Variants in AIFM1 observed in about 807,000 individuals in gnomAD.
The protein encoded by AIFM1 is apoptosis inducing factor mitochondria associated 1.
Under a neutral mutation model 51.7 loss-of-function variants are expected in AIFM1, and 3 were observed. The observed-to-expected ratio is 0.06, with a 90% CI of 0.03 to 0.15. The LOEUF (loss-of-function observed/expected upper bound fraction) is 0.15, where lower values mean the gene tolerates loss of function less well. Ranked by LOEUF, AIFM1 falls within the 10% of genes least tolerant of loss-of-function variation. AIFM1 has a pLI of 1.00. For missense variants in AIFM1, 330 were observed against 476.8 expected, an observed-to-expected ratio of 0.69 and a Z score of 2.87; for synonymous variants, 178 against 179.4, an observed-to-expected ratio of 0.99 and a Z score of 0.06.
At chrX:130,164,134 C>T (rs2031450249) in intron 1 of AIFM1, among the ~76,000 whole-genome samples, 1 of 103,532 alleles carries the variant, frequency 9.7e-6, no homozygotes, top group Non-Finnish European at 2.0e-5. Context: ...CGCCACTGCA[C>T]TCCAGCCTGG....
At chrX:130,148,877 C>T (rs1447019306) in intron 3 of AIFM1, among the ~76,000 whole-genome samples, 2 of 101,085 alleles carry the variant, frequency 2.0e-5, no homozygotes, top group Non-Finnish European at 4.0e-5. Context: ...ATCTCTTTTC[C>T]ATCTTTTCCA....
At chrX:130,139,333 A>G (rs1789088832) in intron 8 of AIFM1, among the ~76,000 whole-genome samples, 2 of 103,101 alleles carry the variant, frequency 1.9e-5, no homozygotes, top group Admixed American at 1.0e-4. Context: ...TTCAGTCTCG[A>G]AAAAAAAAAA....
intron 12 of AIFM1, 110 bp downstream of exon 12, chrX:130,135,935 C>T (rs1185592864): frequency 1.3e-5 from 13 of 1,039,932 alleles, no homozygotes; most frequent in Non-Finnish European, 1.8e-5. Flanking sequence ...CCTCCAAACA[C>T]TCTGACCCTA....
At position 130,136,698 on chromosome X, in the gene AIFM1, T is replaced by C. The variant is rs149001713; in HGVS notation, c.1109A>G (p.Gln370Arg). 8 of 1,208,637 alleles carry C rather than the reference T, an allele frequency of 6.6e-6. No individual in the cohort carries two copies. The highest frequency in any genetic ancestry group is 8.9e-6 in the Non-Finnish European group (8 of 894,930). Residue 370 changes from glutamine (Q) to arginine (R), a missense_variant, in exon 11 of 16, where the codon CAA becomes CGA. Transcript: ENST00000287295. The part of the protein sequence containing the change: ...GVKVMPNAIV[Q>R]SVGVSSGKLL... ...CTTGCCACTGCTGACTCCAACGGAT[T>C]GCACAATAGCATTGGGCATCACCTT...
At chrX:130,139,913 G>C in intron 7 of AIFM1, 42 bp from the exon 8 acceptor site, 2 of 1,103,166 alleles carry the variant, frequency 1.8e-6, no homozygotes, top group East Asian at 3.0e-5. Flanking sequence ...CAACAAGCAG[G>C]AGCCAGCCCA....
intron 1 of AIFM1, 143 bp downstream of exon 1, chrX:130,165,408 G>A (rs2031496600): frequency 5.5e-6 from 3 of 543,227 alleles, no homozygotes; most frequent in Non-Finnish European, 9.7e-6. Context: ...GCAAGACTCA[G>A]GGTTCGGAGT....
rs867053082 is a variant in AIFM1, at chrX:130,165,814, C to T, written c.-158G>A. 23 of 528,625 alleles carry T rather than the reference C, an allele frequency of 4.4e-5. 1 individual carries two copies. The Middle Eastern group carries it at 4.2e-3, about 98-fold the overall frequency. 43.6% of individuals were successfully genotyped at this position (528,625 alleles called of 1,213,427 possible). The stretch of plus-strand genomic sequence containing the variant: ...CCGGGTGGGCATTGGACAGAGAAGC[C>T]GGCCTGCTAGAGCCGGGGAAGGGGA... On this transcript the variant is annotated 5_prime_UTR_variant, in exon 1 of 16. Transcript: ENST00000287295.
intron 6 of AIFM1, 50 bp downstream of exon 6, chrX:130,145,429 T>A (rs1353299644): frequency 1.1e-6 from 1 of 949,873 alleles, no homozygotes; most frequent in Non-Finnish European, 1.5e-6. Flanking sequence ...CCATACTGGC[T>A]GGTGGGCAAG....
At position 130,139,847 on chromosome X, in the gene AIFM1, G is replaced by A. The variant is rs1460156998; in HGVS notation, c.806C>T (p.Ala269Val). The A allele has an allele frequency of 8.3e-7, 1 of 1,210,584 alleles. No homozygotes were observed. The part of the protein sequence containing the change: ...ATGGTPRSLS[A>V]IDRAGAEVKS... ...CACCTCTGCTCCAGCCCTATCAATG[G>A]CAGACAGACTTCTTGGAGTACCTCC... The change falls in exon 8 of 16, where the codon GCC (alanine) becomes GTC (valine). Residue 269 changes from alanine to valine, a missense_variant. Physicochemically the swap from Ala to Val is moderately conservative, Grantham distance 64. This residue lies in a region of AIFM1 where 152 missense variants were observed against 292.8 expected (regional missense o/e 0.52). Transcript: ENST00000287295.
intron 13 of AIFM1, 28 bp downstream of exon 13, chrX:130,133,285 T>C (rs920151754): frequency 1.7e-6 from 2 of 1,209,241 alleles, no homozygotes; most frequent in African/African-American, 1.7e-5. Flanking sequence ...TTGTAATCAG[T>C]TGGGTCTCCA....
chrX:130,144,800 A>G (rs2030696449), intron 6 of AIFM1, among the ~76,000 whole-genome samples: 1 of 112,543 alleles, frequency 8.9e-6, no homozygotes, highest in East Asian at 2.8e-4. Context: ...CATAGGGGAC[A>G]CTAAATGTCT....
chrX:130,155,428 G>T, intron 2 of AIFM1: 1 of 650,464 alleles, frequency 1.5e-6, no homozygotes, highest in Non-Finnish European at 2.4e-6. Flanking sequence ...TGCTGCTCCA[G>T]GATTGCAGAA....
rs182805215 is a variant in AIFM1, at chrX:130,138,474, T to A, written c.967+119A>T. On this transcript the variant is annotated intron_variant, in intron 9 of 15. Coordinates refer to ENST00000287295, the MANE Select transcript of AIFM1 (RefSeq NM_004208.4). ...AGCGAGACTCCATCTCAAAAAAAAA[T>A]AAATAAATAAACCTTAATTAAACTC... The A allele has an allele frequency of 0.019, 10,661 of 568,907 alleles. 177 individuals are homozygous for A. Among genetic ancestry groups the A allele is most frequent in the Admixed American group, 0.1 (3,663 of 36,101 alleles). 46.9% of individuals were successfully genotyped at this position (568,907 alleles called of 1,213,427 possible).
intron 1 of AIFM1, among the ~76,000 whole-genome samples, chrX:130,160,280 A>T (rs1367438143): frequency 8.9e-6 from 1 of 111,889 alleles, no homozygotes; most frequent in Non-Finnish European, 1.9e-5. Context: ...AATTTTAGGA[A>T]ATATTACATC....
chrX:130,158,432 GA>G (rs775691689), intron 1 of AIFM1, among the ~76,000 whole-genome samples: 48 of 111,231 alleles, frequency 4.3e-4, no homozygotes, highest in Non-Finnish European at 7.7e-4. Context: ...CCAATGCCCT[GA>G]AGGTTTTATA....
chrX:130,148,551 C>T (rs907875590), intron 3 of AIFM1, among the ~76,000 whole-genome samples: 7 of 111,280 alleles, frequency 6.3e-5, no homozygotes, highest in East Asian at 2.8e-4. Flanking sequence ...AAACAGCTTT[C>T]GGCTGGGCGT....
intron 6 of AIFM1, among the ~76,000 whole-genome samples, chrX:130,142,470 T>A (rs752501973): frequency 1.9e-3 from 207 of 111,337 alleles, no homozygotes; most frequent in Non-Finnish European, 3.2e-3. Flanking sequence ...CCATGAGGCA[T>A]GAGGGCTCCC....
At chrX:130,160,755 T>C (rs1247542235) in intron 1 of AIFM1, among the ~76,000 whole-genome samples, 1 of 110,906 alleles carries the variant, frequency 9.0e-6, no homozygotes, top group Non-Finnish European at 1.9e-5. Flanking sequence ...AAAGAAATTT[T>C]AGCCAGGGCA....
intron 14 of AIFM1, among the ~76,000 whole-genome samples, 155 bp from the exon 15 acceptor site, chrX:130,130,321 G>A (rs765137456): frequency 1.2e-4 from 13 of 111,747 alleles, no homozygotes; most frequent in Non-Finnish European, 1.9e-4. Flanking sequence ...GTAAACCCTG[G>A]CCTTCACCAG....
Sources: allele counts gnomAD v4.1 joint callset (sites outside exome capture counted in the v4.1 genomes callset), GRCh38; gene constraint gnomAD v4.1.1; regional missense constraint gnomAD v4.1.1; transcripts MANE v1.5; gene names NCBI Gene and HGNC (gene_info 2026-07-23, HGNC 2026-07-21).